Variants in DPH6 observed in about 807,000 individuals in gnomAD.
DPH6 encodes diphthamine biosynthesis 6.
A neutral mutation model predicts 38.2 loss-of-function variants in DPH6; 33 were observed. The observed-to-expected ratio is 0.86, with a 90% CI of 0.65 to 1.15. DPH6 has a LOEUF of 1.15. Ranked by LOEUF, DPH6 falls within the 50% of genes most tolerant of loss-of-function variation. The probability of loss-of-function intolerance (pLI) is 0.00; values close to 1 mark genes in which losing one functional copy is unlikely to be tolerated. For synonymous variants in DPH6, 108 were observed against 103.0 expected (o/e 1.05, Z -0.30); for missense variants, 325 against 320.0 (o/e 1.02, Z -0.12).
At chr15:35,318,393 TCA>T (rs1481755158) in intron 3 of DPH6, among the ~76,000 whole-genome samples, 15 of 152,148 alleles carry the variant, frequency 9.9e-5, no homozygotes, top group Non-Finnish European at 2.9e-5. Context: ...ACCACCTCTC[TCA>T]GTTACTGATA....
At chr15:35,250,995 T>C (rs1026989418) in intron 3 of DPH6, among the ~76,000 whole-genome samples, 1 of 152,208 alleles carries the variant, frequency 6.6e-6, no homozygotes, top group African/African-American at 2.4e-5. Flanking sequence ...TCTACACATA[T>C]GTTCAATTAG....
At chr15:35,450,082 T>C (rs1213912982) in intron 5 of DPH6, among the ~76,000 whole-genome samples, 2 of 152,120 alleles carry the variant, frequency 1.3e-5, no homozygotes. Flanking sequence ...ATAAATTAAA[T>C]GTGCTCATAT....
chr15:35,382,212 G>C (rs2052877926), intron 6 of DPH6, among the ~76,000 whole-genome samples: 1 of 151,812 alleles, frequency 6.6e-6, no homozygotes, highest in African/African-American at 2.4e-5. Flanking sequence ...GAGGCGGGCG[G>C]ATCACAAGGT....
chr15:35,541,422 G>T (rs2055251580), intron 2 of DPH6, among the ~76,000 whole-genome samples: 1 of 152,078 alleles, frequency 6.6e-6, no homozygotes, highest in Non-Finnish European at 1.5e-5. Flanking sequence ...TAGAAGATAT[G>T]ATCTCTCTTC....
chr15:35,520,301 T>A lies in DPH6; in HGVS notation c.312+17973A>T, dbSNP rs915752186. 12 of 974,874 alleles carry A rather than the reference T, an allele frequency of 1.2e-5. No individual in the cohort carries two copies. In the African/African-American group the frequency reaches 2.1e-4, roughly 17 times the overall value. 60.4% of individuals were successfully genotyped at this position (974,874 alleles called of 1,614,324 possible). A position where few individuals can be genotyped will look rare whatever the true frequency, so the allele number is the denominator to read the frequency against. ...ATTTTAAGCATAATTTTATTACACATAAAAACTCAAAGTAAAATAGAAAAA... is the reference window on the plus strand; with the variant it reads ...ATTTTAAGCATAATTTTATTACACAAAAAAACTCAAAGTAAAATAGAAAAA... On this transcript the variant is annotated intron_variant, in intron 3 of 8. Transcript: ENST00000256538.
chr15:35,475,484 T>A (rs2141136398), intron 3 of DPH6, among the ~76,000 whole-genome samples: 1 of 152,124 alleles, frequency 6.6e-6, no homozygotes, highest in South Asian at 2.1e-4. Context: ...TGGAATAAGA[T>A]GACCGACCAA....
chr15:35,212,398 G>C (rs1167859127), downstream of DPH6, among the ~76,000 whole-genome samples: 2 of 152,242 alleles, frequency 1.3e-5, no homozygotes, highest in East Asian at 3.9e-4. Context: ...CCAGGATTAT[G>C]GGTCTATGCT....
intron 5 of DPH6, among the ~76,000 whole-genome samples, chr15:35,436,504 C>CAAAAAAAAAAAAAAAA (rs371533654): frequency 9.2e-6 from 1 of 108,216 alleles, no homozygotes; most frequent in African/African-American, 4.3e-5. Flanking sequence ...CAAAACAAAA[C>CAAAAAAAAAAAAAAAA]AAAACAAAAC....
rs1329007613 is a variant in DPH6, at chr15:35,456,489, A to AT, written c.313-1670dup. 3.6e-4 allele frequency among the ~76,000 whole-genome samples: 50 copies of AT among 140,074 alleles called. 1 individual carries two copies. The highest frequency in any genetic ancestry group is 1.8e-3 in the Admixed American group (26 of 14,392). 91.9% of individuals were successfully genotyped at this position (140,074 alleles called of 152,430 possible). A position where few individuals can be genotyped will look rare whatever the true frequency, so the allele number is the denominator to read the frequency against. ...TATATATATATTTATTTATTTATTT[A>AT]TTATTATTTTTTTTTTGAGATGGAG... On this transcript the variant is annotated intron_variant, in intron 3 of 8. Coordinates refer to ENST00000256538, the MANE Select transcript of DPH6 (RefSeq NM_080650.4).
intron 3 of DPH6, among the ~76,000 whole-genome samples, chr15:35,458,544 G>A (rs1394864712): frequency 1.3e-5 from 2 of 152,132 alleles, no homozygotes; most frequent in Admixed American, 6.5e-5. Flanking sequence ...CTAGGTTCGG[G>A]TCCTGATCCC....
At chr15:35,238,507 C>T (rs2140398763) in intron 3 of DPH6, among the ~76,000 whole-genome samples, 1 of 152,302 alleles carries the variant, frequency 6.6e-6, no homozygotes, top group Admixed American at 6.5e-5. Context: ...AGCCAATTCC[C>T]ACATCTACAA....
At chr15:35,320,637 ATT>A (rs1479769622) in intron 3 of DPH6, among the ~76,000 whole-genome samples, 1 of 152,038 alleles carries the variant, frequency 6.6e-6, no homozygotes, top group Non-Finnish European at 1.5e-5. Flanking sequence ...TCTTTGGCTT[ATT>A]TTCATGGTTC....
intron 3 of DPH6, among the ~76,000 whole-genome samples, chr15:35,494,053 C>T: frequency 6.6e-6 from 1 of 152,040 alleles, no homozygotes; most frequent in Non-Finnish European, 1.5e-5. Context: ...TCCTAGTTAT[C>T]TTTCTGTATC....
rs563079433 is a variant in DPH6, at chr15:35,460,642, G to C, written c.313-5822C>G. 2.5e-4 allele frequency among the ~76,000 whole-genome samples: 38 copies of C among 152,294 alleles called. No individual in the cohort carries two copies. The South Asian group carries it at 5.6e-3, about 22-fold the overall frequency. On this transcript the variant is annotated intron_variant, in intron 3 of 8. Transcript: ENST00000256538. ...TAGTTACTGCTCTCAACAACGCTCT[G>C]AGGTGGATTATCATTATCTTCCTCA...
At chr15:35,364,713 T>C (rs915207528) in intron 3 of DPH6, among the ~76,000 whole-genome samples, 1 of 152,062 alleles carries the variant, frequency 6.6e-6, no homozygotes, top group Non-Finnish European at 1.5e-5. Flanking sequence ...TTTTCCTTTT[T>C]CTTTTGTTTC....
At chr15:35,521,079 CAA>C (rs2054916767) in intron 3 of DPH6, 1 of 985,064 alleles carries the variant, frequency 1.0e-6, no homozygotes, top group African/African-American at 1.7e-5. Flanking sequence ...TCCAGTTTAA[CAA>C]GTTATTTTCA....
intron 3 of DPH6, among the ~76,000 whole-genome samples, chr15:35,338,253 A>C (rs972743840): frequency 2.0e-5 from 3 of 152,054 alleles, no homozygotes; most frequent in African/African-American, 7.2e-5. Flanking sequence ...CAACCTACAA[A>C]ATGGGAGAAA....
At chr15:35,278,509 G>T (rs2051874079) in intron 3 of DPH6, among the ~76,000 whole-genome samples, 2 of 152,218 alleles carry the variant, frequency 1.3e-5, no homozygotes, top group African/African-American at 4.8e-5. Context: ...GGACGTGTGA[G>T]GTTGGAGACC....
At chr15:35,518,262 G>A (rs896265753) in intron 3 of DPH6, among the ~76,000 whole-genome samples, 11 of 151,954 alleles carry the variant, frequency 7.2e-5, no homozygotes, top group Non-Finnish European at 1.0e-4. Flanking sequence ...CTGTTGCTTT[G>A]AAAGAGAGGG....
Sources: allele counts gnomAD v4.1 joint callset (sites outside exome capture counted in the v4.1 genomes callset), GRCh38; gene constraint gnomAD v4.1.1; transcripts MANE v1.5; gene names NCBI Gene and HGNC (gene_info 2026-07-23, HGNC 2026-07-21).